The following STAM2 variants were observed in gnomAD, a reference collection of about 807,000 sequenced individuals.
The protein encoded by STAM2 is signal transducing adapter molecule 2.
Under a neutral mutation model 65.6 loss-of-function variants are expected in STAM2, and 51 were observed. That is an observed-to-expected ratio of 0.78 (90% CI 0.62 to 0.98). The LOEUF (loss-of-function observed/expected upper bound fraction) is 0.98. Ranked by LOEUF, STAM2 falls within the 50% of genes least tolerant of loss-of-function variation. The pLI, the probability that STAM2 is intolerant of heterozygous loss-of-function variation, is 0.00. For missense variants in STAM2, 584 were observed against 617.8 expected (o/e 0.95, Z 0.58); for synonymous variants, 198 against 208.4 (o/e 0.95, Z 0.43).
rs768046605 is a variant in STAM2, at chr2:152,147,312, T to C, written c.301-4A>G. On this transcript the variant is annotated splice_region_variant and splice_polypyrimidine_tract_variant and intron_variant, in intron 4 of 13. Coordinates refer to ENST00000263904, the MANE Select transcript of STAM2 (RefSeq NM_005843.6). ...TTTCACATACTTTAGGATGTGCCTT[T>C]TAAGGAAAAGGAAAGGAAAATAAAC... 5.2e-6 allele frequency: 8 copies of C among 1,529,020 alleles called. No individual in the cohort carries two copies. The highest frequency in any genetic ancestry group is 2.4e-5 in the East Asian group (1 of 41,322). 94.7% of individuals were successfully genotyped at this position (1,529,020 alleles called of 1,614,324 possible).
intron 7 of STAM2, among the ~76,000 whole-genome samples, chr2:152,141,138 CAAAA>C (rs72256027): frequency 1.3e-4 from 14 of 109,626 alleles, no homozygotes; most frequent in Admixed American, 1.9e-4. Context: ...GACCCTGTCT[CAAAA>C]AAAAAAAAAA....
At chr2:152,172,190 A>C (rs1033722201) in intron 1 of STAM2, among the ~76,000 whole-genome samples, 1 of 152,206 alleles carries the variant, frequency 6.6e-6, no homozygotes, top group Non-Finnish European at 1.5e-5. Flanking sequence ...AACAAAACAA[A>C]AAAATGAATC....
At chr2:152,148,358 A>G in intron 2 of STAM2, 58 bp from the exon 3 acceptor site, 1 of 1,336,042 alleles carries the variant, frequency 7.5e-7, no homozygotes, top group South Asian at 1.3e-5. Flanking sequence ...TTTAATTCAA[A>G]CATTAAGGTA....
intron 1 of STAM2, among the ~76,000 whole-genome samples, chr2:152,154,959 A>T (rs1203700915): frequency 6.6e-6 from 1 of 150,574 alleles, no homozygotes; most frequent in Non-Finnish European, 1.5e-5. Context: ...TATCTTTCAT[A>T]TTGGTGACTC....
intron 1 of STAM2, among the ~76,000 whole-genome samples, chr2:152,160,434 G>C (rs1380801630): frequency 6.6e-6 from 1 of 151,642 alleles, no homozygotes; most frequent in African/African-American, 2.4e-5. Flanking sequence ...TCTCAGAAGT[G>C]AGGAGACCCT....
intron 1 of STAM2, among the ~76,000 whole-genome samples, chr2:152,162,451 G>A (rs1010490569): frequency 1.2e-4 from 18 of 152,032 alleles, no homozygotes; most frequent in Non-Finnish European, 2.1e-4. Context: ...ACGGTGATGC[G>A]CACCTGTAGT....
At chr2:152,141,880 C>A (rs1462356341) in intron 7 of STAM2, among the ~76,000 whole-genome samples, 1 of 152,136 alleles carries the variant, frequency 6.6e-6, no homozygotes, top group East Asian at 1.9e-4. Context: ...TTAGCCACCA[C>A]GCCCTGCCAG....
chr2:152,159,499 C>CT (rs962145326), intron 1 of STAM2, among the ~76,000 whole-genome samples: 1 of 152,062 alleles, frequency 6.6e-6, no homozygotes, highest in East Asian at 1.9e-4. Flanking sequence ...AGAAAAGCCA[C>CT]TTTTTTTCTA....
At chr2:152,131,934 A>G in intron 11 of STAM2, 180 bp downstream of exon 11, 2 of 563,464 alleles carry the variant, frequency 3.5e-6, no homozygotes, top group Non-Finnish European at 6.2e-6. Context: ...TGTTTTTTAG[A>G]AAAACAAAAA....
At chr2:152,159,005 A>G (rs1308953326) in intron 1 of STAM2, among the ~76,000 whole-genome samples, 1 of 150,196 alleles carries the variant, frequency 6.7e-6, no homozygotes, top group Non-Finnish European at 1.5e-5. Flanking sequence ...ATTGCCTTTT[A>G]TCTATTAATA....
chr2:152,161,032 G>A (rs1338331417), intron 1 of STAM2, among the ~76,000 whole-genome samples: 4 of 152,298 alleles, frequency 2.6e-5, no homozygotes, highest in African/African-American at 7.2e-5. Flanking sequence ...CCATGATGAC[G>A]GTGGCGGTTT....
intron 1 of STAM2, among the ~76,000 whole-genome samples, chr2:152,166,008 G>A (rs1435858989): frequency 6.6e-6 from 1 of 152,144 alleles, no homozygotes; most frequent in African/African-American, 2.4e-5. Flanking sequence ...TTGCAGACCA[G>A]CCTGGCCAAC....
intron 8 of STAM2, among the ~76,000 whole-genome samples, 159 bp from the exon 9 acceptor site, chr2:152,133,643 C>T (rs754518162): frequency 4.6e-5 from 7 of 152,136 alleles, no homozygotes; most frequent in African/African-American, 7.2e-5. Context: ...TTATTACATA[C>T]GTTTGGTCAT....
intron 1 of STAM2, among the ~76,000 whole-genome samples, chr2:152,161,515 A>C (rs977348257): frequency 7.3e-5 from 11 of 150,008 alleles, no homozygotes; most frequent in African/African-American, 2.7e-4. Context: ...AAAAAAAAAA[A>C]ACATTATATA....
rs749583096 is a variant in STAM2, at chr2:152,133,486, T to TATCC, written c.800-3_800-2insGGAT. The TATCC allele has an allele frequency of 6.2e-7, 1 of 1,607,858 alleles. No homozygotes were observed. Among genetic ancestry groups the TATCC allele is most frequent in the Non-Finnish European group, 8.5e-7 (1 of 1,177,354 alleles). On this transcript the variant is annotated splice_region_variant and splice_polypyrimidine_tract_variant and intron_variant, in intron 8 of 13. Transcript: ENST00000263904. Reference sequence around the variant, plus strand: ...TTACATTCAATTTGTCCACAGCCGCTATAGAAACAAAGTAATTTTAAGTTC... The same window carrying TATCC: ...TTACATTCAATTTGTCCACAGCCGCTATCCATAGAAACAAAGTAATTTTAAGTTC...
At chr2:152,149,446 T>A (rs1043318126) in intron 2 of STAM2, among the ~76,000 whole-genome samples, 2 of 151,384 alleles carry the variant, frequency 1.3e-5, no homozygotes, top group African/African-American at 2.4e-5. Context: ...CAGCCGAAAA[T>A]CTGTGTATAA....
At chr2:152,121,641 C>T (rs769064584) in intron 13 of STAM2, among the ~76,000 whole-genome samples, 6 of 151,986 alleles carry the variant, frequency 3.9e-5, no homozygotes, top group Admixed American at 1.3e-4. Context: ...CAGGATAGTC[C>T]GAAACTATAG....
At chr2:152,127,513 A>G (rs1688982045) in intron 11 of STAM2, among the ~76,000 whole-genome samples, 1 of 152,118 alleles carries the variant, frequency 6.6e-6, no homozygotes, top group Non-Finnish European at 1.5e-5. Context: ...TATGAAGTAC[A>G]ATATGATGGA....
intron 1 of STAM2, among the ~76,000 whole-genome samples, chr2:152,172,316 T>C (rs1689910433): frequency 6.6e-6 from 1 of 152,130 alleles, no homozygotes; most frequent in Non-Finnish European, 1.5e-5. Context: ...CTTCCTAGCC[T>C]TTGGCCTGCT....
Sources: allele counts gnomAD v4.1 joint callset (sites outside exome capture counted in the v4.1 genomes callset), GRCh38; gene constraint gnomAD v4.1.1; transcripts MANE v1.5; gene names NCBI Gene and HGNC (gene_info 2026-07-23, HGNC 2026-07-21).